KALRN: variants seen among roughly 807,000 people sequenced by gnomAD.
The protein encoded by KALRN is kalirin.
A neutral mutation model predicts 353.7 loss-of-function variants in KALRN; 70 were observed. That is an observed-to-expected ratio of 0.20 (90% CI 0.16 to 0.24). The LOEUF (loss-of-function observed/expected upper bound fraction) is 0.24, where lower values mean the gene tolerates loss of function less well. Among genes scored for constraint, KALRN ranks in the 10% least tolerant of loss-of-function variants. The probability of loss-of-function intolerance (pLI) is 1.00; values close to 1 mark genes in which losing one functional copy is unlikely to be tolerated. For missense variants in KALRN, 2,791 were observed against 3,756.7 expected (o/e 0.74, Z 6.72); for synonymous variants, 1,391 against 1,434.8 (o/e 0.97, Z 0.69).
intron 28 of KALRN, among the ~76,000 whole-genome samples, chr3:124,485,845 A>AC (rs1396474902): frequency 1.3e-5 from 2 of 152,190 alleles, no homozygotes; most frequent in African/African-American, 4.8e-5. Context: ...GCACCACTGC[A>AC]CTCCAGCCTG....
At chr3:124,645,570 A>G (rs922856901) in intron 37 of KALRN, among the ~76,000 whole-genome samples, 2 of 151,996 alleles carry the variant, frequency 1.3e-5, no homozygotes, top group Non-Finnish European at 2.9e-5. Context: ...TCCCAACACC[A>G]TTTATTACAT....
chr3:124,646,687 G>A (rs1347753068), intron 37 of KALRN, among the ~76,000 whole-genome samples: 5 of 125,102 alleles, frequency 4.0e-5, no homozygotes, highest in Admixed American at 1.8e-4. Context: ...CACTGCGCCC[G>A]GCCTCTTTTC....
chr3:124,550,730 C>A (rs2070395665), intron 33 of KALRN, among the ~76,000 whole-genome samples: 1 of 152,114 alleles, frequency 6.6e-6, no homozygotes, highest in Non-Finnish European at 1.5e-5. Flanking sequence ...TGGCTCACGC[C>A]TGTAATCCCA....
chr3:124,376,190 T>C (rs985069985), intron 10 of KALRN, among the ~76,000 whole-genome samples: 2 of 152,184 alleles, frequency 1.3e-5, no homozygotes, highest in African/African-American at 4.8e-5. Context: ...TTGGGAGGTA[T>C]TGGCACCTGC....
chr3:124,488,180 A>C, intron 28 of KALRN, 24 bp from the exon 29 acceptor site: 11 of 1,472,636 alleles, frequency 7.5e-6, no homozygotes, highest in Non-Finnish European at 9.5e-6. Flanking sequence ...GGCCCTAATT[A>C]TGTCCGGACT....
At chr3:124,139,351 A>G (rs1215317966) in intron 1 of KALRN, among the ~76,000 whole-genome samples, 3 of 152,210 alleles carry the variant, frequency 2.0e-5, no homozygotes, top group East Asian at 3.9e-4. Context: ...GAAACAGAAC[A>G]AAATACTACA....
At chr3:124,412,595 T>A (rs1262590489) in intron 13 of KALRN, among the ~76,000 whole-genome samples, 1 of 152,218 alleles carries the variant, frequency 6.6e-6, no homozygotes, top group African/African-American at 2.4e-5. Flanking sequence ...GGATTTAGTC[T>A]CGATTTGCAG....
chr3:124,674,393 G>A lies in KALRN; in HGVS notation c.6972G>A (p.Ser2324=), dbSNP rs750352073. 12 of 1,613,508 alleles carry A rather than the reference G, an allele frequency of 7.4e-6. No homozygotes were observed. Among genetic ancestry groups the A allele is most frequent in the South Asian group, 3.3e-5 (3 of 90,936 alleles). Reference sequence around the variant, plus strand: ...ACCTGGGAGGCTGCAATGGGACCTCGTCCATGGCCGTGATCAAAGATTACT... The same window carrying A: ...ACCTGGGAGGCTGCAATGGGACCTCATCCATGGCCGTGATCAAAGATTACT... ...KNDLGGCNGT[S]SMAVIKDYYA... Residue 2324 remains serine, a synonymous_variant, in exon 49 of 60, where the codon TCG becomes TCA. Coordinates refer to ENST00000682506, the MANE Select transcript of KALRN (RefSeq NM_001388419.1).
At chr3:124,379,299 A>G (rs1225937384) in intron 10 of KALRN, among the ~76,000 whole-genome samples, 1 of 152,166 alleles carries the variant, frequency 6.6e-6, no homozygotes, top group Non-Finnish European at 1.5e-5. Context: ...ATTTTAAAAT[A>G]CTTGTCTGCT....
At chr3:124,233,068 C>G (rs542765512) in intron 2 of KALRN, among the ~76,000 whole-genome samples, 12 of 152,122 alleles carry the variant, frequency 7.9e-5, no homozygotes, top group African/African-American at 2.9e-4. Context: ...CCAAGGCCAG[C>G]CCTGGTTCTA....
chr3:124,592,454 T>C (rs1000504181), intron 34 of KALRN, among the ~76,000 whole-genome samples: 1 of 144,872 alleles, frequency 6.9e-6, no homozygotes, highest in Non-Finnish European at 1.5e-5. Context: ...ATCTACATTA[T>C]AAAAAAAAAA....
chr3:124,269,339 T>C, intron 5 of KALRN, 84 bp downstream of exon 5: 1 of 1,415,804 alleles, frequency 7.1e-7, no homozygotes, highest in Admixed American at 2.3e-5. Flanking sequence ...TTAATGATAG[T>C]ACTTTCCTGG....
intron 25 of KALRN, among the ~76,000 whole-genome samples, chr3:124,466,032 CTCTGTG>C (rs2060301850): frequency 1.0e-5 from 1 of 99,844 alleles, no homozygotes; most frequent in Non-Finnish European, 2.0e-5. Context: ...CTCTCTCTTG[CTCTGTG>C]TGTGTGTGTG....
chr3:124,391,834 T>C (rs2089435866), intron 11 of KALRN, among the ~76,000 whole-genome samples: 1 of 152,202 alleles, frequency 6.6e-6, no homozygotes, highest in Non-Finnish European at 1.5e-5. Context: ...ATTTTTCTTT[T>C]AGAACTATCA....
chr3:124,446,904 C>T lies in KALRN; in HGVS notation c.3552+19C>T. Reference sequence around the variant, plus strand: ...TGCCAAGGTAGGAAACATCCCAGAGCCTCCCCCAGATCCACCCAGAACTCT... The same window carrying T: ...TGCCAAGGTAGGAAACATCCCAGAGTCTCCCCCAGATCCACCCAGAACTCT... On this transcript the variant is annotated intron_variant, in intron 21 of 59. Coordinates refer to ENST00000682506, the MANE Select transcript of KALRN (RefSeq NM_001388419.1). 3.1e-6 allele frequency: 5 copies of T among 1,613,632 alleles called. No homozygotes were observed. The highest frequency in any genetic ancestry group is 1.7e-5 in the Admixed American group (1 of 59,976).
At chr3:124,248,099 G>C (rs1197958462) in intron 3 of KALRN, among the ~76,000 whole-genome samples, 1 of 152,234 alleles carries the variant, frequency 6.6e-6, no homozygotes, top group African/African-American at 2.4e-5. Flanking sequence ...TGTCCTGAGA[G>C]AAACCACACA....
At chr3:124,062,773 T>G (rs2042078022) in intron 1 of KALRN, among the ~76,000 whole-genome samples, 2 of 152,106 alleles carry the variant, frequency 1.3e-5, no homozygotes, top group Admixed American at 1.3e-4. Flanking sequence ...AAAATGAATT[T>G]GTGATGACAG....
intron 28 of KALRN, among the ~76,000 whole-genome samples, chr3:124,484,157 C>T (rs2062291777): frequency 6.6e-6 from 1 of 152,156 alleles, no homozygotes. Flanking sequence ...ACCTGAAAAC[C>T]AGTCTAATTT....
At position 124,645,723 on chromosome 3, in the gene KALRN, G is replaced by T. The variant is rs188252055; in HGVS notation, c.5665-5085G>T. On this transcript the variant is annotated intron_variant, in intron 37 of 59. Coordinates refer to ENST00000682506, the MANE Select transcript of KALRN (RefSeq NM_001388419.1). ...ATTTGTCCATCAATAACACTTAGGGGTTTCCATAGCATACTATTGTAAATA... is the reference window on the plus strand; with the variant it reads ...ATTTGTCCATCAATAACACTTAGGGTTTTCCATAGCATACTATTGTAAATA... Among the ~76,000 whole-genome samples, 4 of 151,714 alleles carry T rather than the reference G, an allele frequency of 2.6e-5. No homozygotes were observed. The East Asian group carries it at 7.8e-4, about 29-fold the overall frequency.
Sources: allele counts gnomAD v4.1 joint callset (sites outside exome capture counted in the v4.1 genomes callset), GRCh38; gene constraint gnomAD v4.1.1; transcripts MANE v1.5; gene names NCBI Gene and HGNC (gene_info 2026-07-23, HGNC 2026-07-21).